Variants in MGAT4C observed in about 807,000 individuals in gnomAD.
MGAT4C encodes the protein MGAT4 family member C.
Under a neutral mutation model 40.1 loss-of-function variants are expected in MGAT4C, and 19 were observed. The ratio of observed to expected loss-of-function variants is 0.47; its 90% CI spans 0.33 to 0.70. The LOEUF (loss-of-function observed/expected upper bound fraction) is 0.70. Among genes scored for constraint, MGAT4C ranks in the 30% least tolerant of loss-of-function variants. The probability of loss-of-function intolerance (pLI) is 0.02; values close to 1 mark genes in which losing one functional copy is unlikely to be tolerated. For synonymous variants in MGAT4C, 181 were observed against 187.1 expected (o/e 0.97, Z 0.27); for missense variants, 491 against 563.2 (o/e 0.87, Z 1.30).
intron 1 of MGAT4C, among the ~76,000 whole-genome samples, chr12:86,056,502 T>C (rs1592801828): frequency 6.6e-6 from 1 of 152,240 alleles, no homozygotes; most frequent in East Asian, 1.9e-4. Context: ...TCTGTTCTTG[T>C]GGTAGTTTGC....
intron 1 of MGAT4C, among the ~76,000 whole-genome samples, chr12:86,765,629 AC>A (rs567803872): frequency 2.8e-4 from 43 of 152,360 alleles, no homozygotes; most frequent in African/African-American, 1.0e-3. Context: ...AGGTCGGGTT[AC>A]CCACAAAGAG....
intron 1 of MGAT4C, among the ~76,000 whole-genome samples, chr12:86,255,850 C>A (rs1952493962): frequency 6.6e-6 from 1 of 152,076 alleles, no homozygotes; most frequent in African/African-American, 2.4e-5. Context: ...AAGTCTACAG[C>A]AACACTACTT....
chr12:86,364,460 A>G (rs570311758), intron 3 of MGAT4C, among the ~76,000 whole-genome samples: 30 of 152,182 alleles, frequency 2.0e-4, no homozygotes, highest in South Asian at 4.1e-4. Context: ...ATCAATGTTG[A>G]GTTAACTTTT....
chr12:86,828,685 C>T (rs949330797), intron 1 of MGAT4C, among the ~76,000 whole-genome samples: 2 of 151,380 alleles, frequency 1.3e-5, no homozygotes, highest in Non-Finnish European at 3.0e-5. Flanking sequence ...GAATGGGATG[C>T]TATTGGGCAA....
chr12:86,780,030 T>A (rs1174578210), intron 1 of MGAT4C, among the ~76,000 whole-genome samples: 1 of 152,020 alleles, frequency 6.6e-6, no homozygotes, highest in Non-Finnish European at 1.5e-5. Context: ...TCCTATAAAA[T>A]GAAATAATAT....
chr12:86,639,874 T>G (rs1963329524), intron 2 of MGAT4C, among the ~76,000 whole-genome samples: 1 of 151,758 alleles, frequency 6.6e-6, no homozygotes, highest in African/African-American at 2.4e-5. Context: ...AAGGTTTCTT[T>G]GATTACTTTC....
chr12:86,725,988 G>C (rs564536362), intron 2 of MGAT4C, among the ~76,000 whole-genome samples: 340 of 152,286 alleles, frequency 2.2e-3, no homozygotes, highest in African/African-American at 7.1e-3. Context: ...ATGAATATTA[G>C]AGAAAATATA....
chr12:86,678,059 G>T (rs1366707879), intron 2 of MGAT4C, among the ~76,000 whole-genome samples: 1 of 151,934 alleles, frequency 6.6e-6, no homozygotes, highest in Non-Finnish European at 1.5e-5. Context: ...AGTTCTGAAC[G>T]CACCCTGATT....
intron 2 of MGAT4C, among the ~76,000 whole-genome samples, chr12:86,543,892 T>C (rs545216992): frequency 6.6e-6 from 1 of 152,104 alleles, no homozygotes; most frequent in Admixed American, 6.6e-5. Context: ...GTCTGGGAGG[T>C]CCTTATTCAC....
intron 4 of MGAT4C, among the ~76,000 whole-genome samples, chr12:86,284,192 A>G (rs919204071): frequency 1.3e-5 from 2 of 152,030 alleles, no homozygotes; most frequent in African/African-American, 4.8e-5. Flanking sequence ...TCTCATTTAA[A>G]AACAATTTTA....
intron 4 of MGAT4C, among the ~76,000 whole-genome samples, chr12:85,980,711 A>C (rs1040005326): frequency 1.3e-5 from 2 of 152,162 alleles, no homozygotes; most frequent in African/African-American, 4.8e-5. Context: ...TGAAATTCTA[A>C]AAACATGGTT....
At chr12:85,986,551 A>C (rs569709704) in intron 3 of MGAT4C, among the ~76,000 whole-genome samples, 1 of 152,212 alleles carries the variant, frequency 6.6e-6, no homozygotes, top group African/African-American at 2.4e-5. Context: ...TCAGGCCACA[A>C]ATGGATTTTC....
At chr12:86,678,426 T>A (rs138766185) in intron 2 of MGAT4C, among the ~76,000 whole-genome samples, 5,226 of 152,078 alleles carry the variant, frequency 0.034, 138 homozygotes, top group Non-Finnish European at 0.048. Flanking sequence ...TCCTCTTTTT[T>A]TTTTATTTTA....
At chr12:86,617,670 A>C (rs1466684615) in intron 2 of MGAT4C, among the ~76,000 whole-genome samples, 1 of 151,886 alleles carries the variant, frequency 6.6e-6, no homozygotes, top group Non-Finnish European at 1.5e-5. Flanking sequence ...CCTGGAAGAC[A>C]GAGCTAGACT....
intron 2 of MGAT4C, among the ~76,000 whole-genome samples, chr12:86,686,788 G>A (rs944000093): frequency 6.6e-6 from 1 of 152,128 alleles, no homozygotes; most frequent in African/African-American, 2.4e-5. Flanking sequence ...ATACTGGCCT[G>A]AATTTTTCTC....
chr12:86,176,537 T>A (rs1029845094), intron 1 of MGAT4C, among the ~76,000 whole-genome samples: 1 of 152,098 alleles, frequency 6.6e-6, no homozygotes, highest in Non-Finnish European at 1.5e-5. Flanking sequence ...CAGAAACGTA[T>A]CTGGCAATTT....
intron 3 of MGAT4C, among the ~76,000 whole-genome samples, chr12:86,407,820 A>G (rs1220172568): frequency 6.6e-6 from 1 of 152,140 alleles, no homozygotes; most frequent in Non-Finnish European, 1.5e-5. Context: ...TATGTCAGCC[A>G]TAAGGTTTAA....
At chr12:86,284,293 T>C (rs545391329) in intron 4 of MGAT4C, among the ~76,000 whole-genome samples, 1 of 152,000 alleles carries the variant, frequency 6.6e-6, no homozygotes, top group African/African-American at 2.4e-5. Flanking sequence ...TATATAAATA[T>C]ATACTAAATG....
chr12:86,286,201 A>G (rs1953348769), intron 4 of MGAT4C, among the ~76,000 whole-genome samples: 1 of 152,060 alleles, frequency 6.6e-6, no homozygotes, highest in African/African-American at 2.4e-5. Context: ...TGGAGACAGG[A>G]TGTGACGTTT....
Sources: gnomAD v4.1 joint callset for allele counts (sites outside exome capture counted in the v4.1 genomes callset) on GRCh38, gnomAD v4.1.1 for gene constraint, MANE v1.5 for transcripts, NCBI Gene and HGNC (gene_info 2026-07-23, HGNC 2026-07-21) for gene names.